The following DPF1 variants were observed in gnomAD, a reference collection of about 807,000 sequenced individuals.
The protein encoded by DPF1 is double PHD fingers 1.
In DPF1, 14 loss-of-function variants were observed where a neutral mutation model predicts 58.7. The ratio of observed to expected loss-of-function variants is 0.24; its 90% confidence interval spans 0.16 to 0.37. DPF1 has a LOEUF of 0.37. Ranked by LOEUF, DPF1 falls within the 10% of genes least tolerant of loss-of-function variation. DPF1 has a pLI of 1.00. For synonymous variants in DPF1, 216 were observed against 216.0 expected, an observed-to-expected ratio of 1.00 and a Z score of 0.00; for missense variants, 345 against 529.9, an observed-to-expected ratio of 0.65 and a Z score of 3.43.
chr19:38,226,330 A>T (rs1407502588), upstream of DPF1, among the ~76,000 whole-genome samples: 2 of 144,308 alleles, frequency 1.4e-5, no homozygotes, highest in Non-Finnish European at 3.0e-5. Context: ...ACCCCTGTAG[A>T]GCCAGCATTC....
chr19:38,226,538 A>ACACC (rs1181984493), upstream of DPF1, among the ~76,000 whole-genome samples: 4 of 144,736 alleles, frequency 2.8e-5, no homozygotes, highest in African/African-American at 5.2e-5. Flanking sequence ...ACACACACAC[A>ACACC]CTCCTCTAGT....
Position 38,222,296 on chromosome 19 carries a change from G to C in DPF1, c.298+61C>G, listed in dbSNP as rs544441230. ...CTAGAAGGCGATAAAGGTGATGGAC[G>C]AGTGCTAGGACACACAGCAGGCGCT... is the stretch of plus-strand genomic sequence containing the variant. On this transcript the variant is annotated intron_variant, in intron 3 of 11. Coordinates refer to ENST00000355526, the MANE Select transcript of DPF1 (RefSeq NM_001135155.3). This position sits in a 1 kb window ranked among gnomAD's most constrained non-coding sequence, Gnocchi z 4.9. 1.4e-6 allele frequency: 2 copies of C among 1,379,452 alleles called. No homozygotes were observed. Among genetic ancestry groups the C allele is most frequent in the Admixed American group, 2.4e-5 (1 of 40,870 alleles). 85.5% of individuals were successfully genotyped at this position (1,379,452 alleles called of 1,614,324 possible).
At chr19:38,215,470 G>T (rs1966947877) in intron 9 of DPF1, among the ~76,000 whole-genome samples, 1 of 151,258 alleles carries the variant, frequency 6.6e-6, no homozygotes, top group Admixed American at 6.6e-5. Context: ...TCCAGCCTGG[G>T]TGACAGAGGG....
At chr19:38,213,499 G>T in intron 10 of DPF1, 145 bp downstream of exon 10, 1 of 687,392 alleles carries the variant, frequency 1.5e-6, no homozygotes, top group Non-Finnish European at 2.5e-6. Context: ...GGCCAGGTTC[G>T]ATTTATGGAC....
At chr19:38,227,542 C>G (rs1967882994), upstream of DPF1, among the ~76,000 whole-genome samples, 1 of 152,218 alleles carries the variant, frequency 6.6e-6, no homozygotes, top group South Asian at 2.1e-4. Context: ...CCCCATCCCC[C>G]AATGCCCTGT....
At position 38,216,246 on chromosome 19, in the gene DPF1, G is replaced by A. The variant is rs34837947; in HGVS notation, c.792C>T (p.Pro264=). Residue 264 remains proline, a synonymous_variant, in exon 9 of 12, where the codon CCC becomes CCT. Coordinates refer to ENST00000355526, the MANE Select transcript of DPF1 (RefSeq NM_001135155.3). ...AQRKHTAKKA[P]DGTVIPNGYC... ...AGCCGTTGGGGATGACAGTGCCGTC[G>A]GGCGCCTTCTTGGCTGCAAGACAGC... is the stretch of plus-strand genomic sequence containing the variant. The A allele has an allele frequency of 0.022, 34,934 of 1,614,098 alleles. 510 individuals are homozygous for A. Among genetic ancestry groups the A allele is most frequent in the South Asian group, 0.049 (4,496 of 91,070 alleles).
At chr19:38,219,811 AG>A (rs1199672929) in intron 3 of DPF1, 7 of 152,342 alleles carry the variant, frequency 4.6e-5, no homozygotes, top group Non-Finnish European at 1.0e-4. Context: ...AAAGAGGTAT[AG>A]CCAGATCCTT....
rs1287573984 is a variant in DPF1, at chr19:38,222,073, C to T, written c.298+284G>A. On this transcript the variant is annotated intron_variant, in intron 3 of 11. Coordinates refer to ENST00000355526, the MANE Select transcript of DPF1 (RefSeq NM_001135155.3). This position sits in a 1 kb window ranked among gnomAD's most constrained non-coding sequence, Gnocchi z 4.9. The stretch of plus-strand genomic sequence containing the variant: ...GAGGTTGGGGGATCACGCCATTGCA[C>T]GCCAGCCTGGGTGAAACTCTGTCTC... Among the ~76,000 whole-genome samples, 4 of 151,580 alleles carry T rather than the reference C, an allele frequency of 2.6e-5. No homozygotes were observed. Among genetic ancestry groups the T allele is most frequent in the African/African-American group, 7.3e-5 (3 of 41,186 alleles).
intron 1 of DPF1, chr19:38,223,787 T>G (rs903936781): frequency 2.3e-5 from 6 of 256,110 alleles, no homozygotes; most frequent in Non-Finnish European, 4.4e-5. Context: ...AAAGGTAGTG[T>G]GGACTTCACT....
chr19:38,212,166 G>A lies in DPF1; in HGVS notation c.1094-33C>T, dbSNP rs750267534. 9 of 1,596,284 alleles carry A rather than the reference G, an allele frequency of 5.6e-6. No individual in the cohort carries two copies. In the South Asian group the frequency reaches 5.7e-5, roughly 10 times the overall value. ...GGCAGCCGAAGCTGAAGTCAGGCCC[G>A]GGTCCGGGAGGGCTGCCCCAGCCCC... is the stretch of plus-strand genomic sequence containing the variant. On this transcript the variant is annotated intron_variant, in intron 11 of 11. Transcript: ENST00000355526.
Position 38,224,094 on chromosome 19 carries a change from CT to C in DPF1, c.29+19del, listed in dbSNP as rs2146214520. 6.7e-7 allele frequency: 1 copy of C among 1,501,748 alleles called. No homozygotes were observed. Among genetic ancestry groups the C allele is most frequent in the African/African-American group, 1.5e-5 (1 of 68,224 alleles). 93.0% of individuals were successfully genotyped at this position (1,501,748 alleles called of 1,614,324 possible). On this transcript the variant is annotated intron_variant, in intron 1 of 11. Transcript: ENST00000355526. This position sits in a 1 kb window ranked among gnomAD's most constrained non-coding sequence, Gnocchi z 4.5. ...AGACCCGCCCGCGCTTCCTCTCCGC[CT>C]CCCGCCGGCCCGCACCACCTCAGGG...
chr19:38,214,831 CTTTTT>C (rs36047300), intron 9 of DPF1, among the ~76,000 whole-genome samples: 2 of 89,392 alleles, frequency 2.2e-5, no homozygotes, highest in African/African-American at 9.4e-5. Flanking sequence ...TATGCCCAGC[CTTTTT>C]TTTTTTTTTT....
At chr19:38,212,237 T>TGGGGGGGGGGGGGGGCCCC in intron 11 of DPF1, 43 bp downstream of exon 11, 2 of 1,256,808 alleles carry the variant, frequency 1.6e-6, no homozygotes, top group Non-Finnish European at 2.2e-6. Flanking sequence ...GGAGATGGCG[T>TGGGGGGGGGGGGGGGCCCC]TCCCACCCAC....
At chr19:38,216,832 A>G (rs1183366482) in intron 7 of DPF1, among the ~76,000 whole-genome samples, 4 of 152,072 alleles carry the variant, frequency 2.6e-5, no homozygotes, top group African/African-American at 9.7e-5. Context: ...TCTCACATAC[A>G]TGTCTCCCAG....
intron 9 of DPF1, among the ~76,000 whole-genome samples, chr19:38,214,828 AG>A (rs1235267618): frequency 7.6e-6 from 1 of 130,926 alleles, no homozygotes; most frequent in Non-Finnish European, 1.6e-5. Flanking sequence ...AACTATGCCC[AG>A]CCTTTTTTTT....
chr19:38,219,045 G>A lies in DPF1; in HGVS notation c.312C>T (p.Pro104=). 6.2e-7 allele frequency: 1 copy of A among 1,614,020 alleles called. No homozygotes were observed. Among genetic ancestry groups the A allele is most frequent in the Non-Finnish European group, 8.5e-7 (1 of 1,180,010 alleles). ...PCEYKIDCEA[P]LKKEGGLPEG... is the part of the protein sequence containing the mutation. ...CCGGGAGGCCACCCTCCTTCTTCAG[G>A]GGTGCTTCACAGTCTGGGGACAGGG... Residue 104 remains proline (P), a synonymous_variant, in exon 4 of 12, where the codon CCC becomes CCT. Coordinates refer to ENST00000355526, the MANE Select transcript of DPF1 (RefSeq NM_001135155.3).
Position 38,211,991 on chromosome 19 carries a change from G to A in DPF1, c.*72C>T, listed in dbSNP as rs942305744. 27 of 1,530,238 alleles carry A rather than the reference G, an allele frequency of 1.8e-5. No homozygotes were observed. In the East Asian group the frequency reaches 1.8e-4, roughly 10 times the overall value. 94.8% of individuals were successfully genotyped at this position (1,530,238 alleles called of 1,614,324 possible). A position where few individuals can be genotyped will look rare whatever the true frequency, so the allele number is the denominator to read the frequency against. On this transcript the variant is annotated 3_prime_UTR_variant, in exon 12 of 12. Coordinates refer to ENST00000355526, the MANE Select transcript of DPF1 (RefSeq NM_001135155.3). The surrounding 1 kb of genome is among the most constrained non-coding windows in gnomAD (Gnocchi z 4.0). The stretch of plus-strand genomic sequence containing the variant: ...CCTCCCCCTGCGGGATGTTCAGGGT[G>A]GGGGAGAATTGAGGAGCTCGGAGAG...
chr19:38,228,386 C>T (rs1967913837), upstream of DPF1, among the ~76,000 whole-genome samples: 1 of 151,744 alleles, frequency 6.6e-6, no homozygotes, highest in Non-Finnish European at 1.5e-5. Context: ...CTCCCTCTCT[C>T]CCTCTCTCCC....
At chr19:38,216,425 G>T in intron 7 of DPF1, 22 bp from the exon 8 acceptor site, 1 of 1,563,318 alleles carries the variant, frequency 6.4e-7, no homozygotes, top group Non-Finnish European at 8.7e-7. Context: ...GGGACAGAGA[G>T]AGGGACTCTC....
Sources: allele counts gnomAD v4.1 joint callset (sites outside exome capture counted in the v4.1 genomes callset), GRCh38; gene constraint gnomAD v4.1.1; non-coding constraint Gnocchi (gnomAD v3.1); transcripts MANE v1.5; gene names NCBI Gene and HGNC (gene_info 2026-07-23, HGNC 2026-07-21).